Variants in PKD1L3 observed in about 807,000 individuals in gnomAD.
PKD1L3 encodes the protein polycystin-1-like protein 3.
In PKD1L3, 239 loss-of-function variants were observed where a neutral mutation model predicts 184.1. The observed-to-expected ratio is 1.30, with a 90% CI of 1.17 to 1.45. The LOEUF is 1.45. Among genes scored for constraint, PKD1L3 ranks in the 40% most tolerant of loss-of-function variants. The pLI, the probability that PKD1L3 is intolerant of heterozygous loss-of-function variation, is 0.00. For synonymous variants in PKD1L3, 996 were observed against 778.8 expected (o/e 1.28, Z -4.64); for missense variants, 2,660 against 2,067.2 (o/e 1.29, Z -5.56).
chr16:71,949,135 T>C (rs1486242388), intron 21 of PKD1L3, among the ~76,000 whole-genome samples: 1 of 152,148 alleles, frequency 6.6e-6, no homozygotes, highest in African/African-American at 2.4e-5. Context: ...TTAGAATGCA[T>C]TGTACTAGTC....
chr16:71,937,924 C>T (rs2038234519), intron 24 of PKD1L3, among the ~76,000 whole-genome samples: 1 of 152,190 alleles, frequency 6.6e-6, no homozygotes, highest in South Asian at 2.1e-4. Context: ...TTAGTGATGG[C>T]AGCAGCACCC....
chr16:71,963,066 C>G, intron 16 of PKD1L3, 139 bp downstream of exon 16: 1 of 916,598 alleles, frequency 1.1e-6, no homozygotes. Flanking sequence ...CCAGTTACAA[C>G]CACAACAGTA....
chr16:71,980,108 C>A lies in PKD1L3; in HGVS notation c.1170G>T (p.Leu390Phe). The A allele has an allele frequency of 6.4e-7, 1 of 1,551,644 alleles. No individual in the cohort carries two copies. The highest frequency in any genetic ancestry group is 8.7e-7 in the Non-Finnish European group (1 of 1,146,930). Residue 390 changes from leucine to phenylalanine, a missense_variant, in exon 8 of 30, where the codon TTG (leucine) becomes TTT (phenylalanine). By Grantham distance (22) the Leu-to-Phe change is conservative (BLOSUM62 0). Coordinates refer to ENST00000620267, the MANE Select transcript of PKD1L3 (RefSeq NM_181536.2). ...CTTCCCCGATATTCCCAAACTCCAC[C>A]AAGGACATTTCCAGGATGTCTTCTA... ...EPVEDILEMS[L>F]VEFGNIGEAF... is the part of the protein sequence containing the mutation.
intron 16 of PKD1L3, among the ~76,000 whole-genome samples, chr16:71,955,090 G>C (rs1244955434): frequency 6.6e-6 from 1 of 152,140 alleles, no homozygotes; most frequent in Non-Finnish European, 1.5e-5. Context: ...GAGATCCAAG[G>C]CTCATGACAA....
rs1271516104 is a variant in PKD1L3 at position 72,000,297 on chromosome 16, T to C, written c.-319A>G. On this transcript the variant is annotated 5_prime_UTR_variant, in exon 1 of 30. Coordinates refer to ENST00000620267, the MANE Select transcript of PKD1L3 (RefSeq NM_181536.2). ...TGCACTGGGTAGAGGATGATGAATA[T>C]CTAACATCTAAGTTAGTGCTGCTAA... Among the ~76,000 whole-genome samples, 1 of 152,128 alleles carries C rather than the reference T, an allele frequency of 6.6e-6. No individual in the cohort carries two copies. Among genetic ancestry groups the C allele is most frequent in the Non-Finnish European group, 1.5e-5 (1 of 68,042 alleles).
intron 15 of PKD1L3, among the ~76,000 whole-genome samples, chr16:71,964,969 C>G (rs1255493000): frequency 6.6e-6 from 1 of 152,030 alleles, no homozygotes; most frequent in Non-Finnish European, 1.5e-5. Context: ...GCCTCAGCCC[C>G]CCAAGTAGCT....
At chr16:71,931,599 G>C (rs1284201902) in intron 28 of PKD1L3, among the ~76,000 whole-genome samples, 1 of 151,230 alleles carries the variant, frequency 6.6e-6, no homozygotes, top group African/African-American at 2.4e-5. Context: ...TGAGTGGCTG[G>C]GATTACAGGT....
At chr16:71,936,393 G>C (rs996391707) in intron 25 of PKD1L3, among the ~76,000 whole-genome samples, 5 of 151,872 alleles carry the variant, frequency 3.3e-5, no homozygotes, top group Non-Finnish European at 5.9e-5. Context: ...AGTAGAGACA[G>C]GGTTTCGCCA....
chr16:71,996,138 T>C (rs924013268), intron 2 of PKD1L3, among the ~76,000 whole-genome samples: 1 of 152,098 alleles, frequency 6.6e-6, no homozygotes, highest in Non-Finnish European at 1.5e-5. Context: ...CTTTATCCAG[T>C]TTCCAAGGGT....
chr16:71,981,699 C>T (rs1462606743), intron 7 of PKD1L3, among the ~76,000 whole-genome samples: 1 of 152,030 alleles, frequency 6.6e-6, no homozygotes. Context: ...TACCACAATG[C>T]CTGGCTCATT....
rs377693934 is a variant in PKD1L3 at position 71,973,386 on chromosome 16, C to A, written c.1891G>T (p.Ala631Ser). Residue 631 changes from alanine to serine, a missense_variant, in exon 12 of 30, where the codon GCC becomes TCC. By Grantham distance (99) the Ala-to-Ser change is moderately conservative (BLOSUM62 1). Transcript: ENST00000620267. ...QTPSLVSVITAVTQCYYWEIH... is the reference protein window; with the variant it reads ...QTPSLVSVITSVTQCYYWEIH... ...TCCCAGTAGTAACACTGAGTGACGGCGGTGATGACCGAGACCAAGCTGGGT... is the reference window on the plus strand; with the variant it reads ...TCCCAGTAGTAACACTGAGTGACGGAGGTGATGACCGAGACCAAGCTGGGT... The A allele has an allele frequency of 3.2e-6, 5 of 1,551,526 alleles. No homozygotes were observed. Among genetic ancestry groups the A allele is most frequent in the Non-Finnish European group, 4.4e-6 (5 of 1,147,008 alleles).
At chr16:71,989,300 G>A (rs867645750) in intron 4 of PKD1L3, among the ~76,000 whole-genome samples, 59 of 152,100 alleles carry the variant, frequency 3.9e-4, no homozygotes, top group Middle Eastern at 3.2e-3. Context: ...GATTACAGGC[G>A]CTCCACCAAG....
intron 23 of PKD1L3, among the ~76,000 whole-genome samples, 157 bp from the exon 24 acceptor site, chr16:71,943,181 A>AC (rs1567495430): frequency 6.6e-6 from 1 of 152,158 alleles, no homozygotes; most frequent in Admixed American, 6.6e-5. Flanking sequence ...ATAAATACAT[A>AC]CATACACATT....
At chr16:71,969,807 T>G in intron 13 of PKD1L3, 68 bp downstream of exon 13, 1 of 1,396,014 alleles carries the variant, frequency 7.2e-7, no homozygotes, top group South Asian at 1.4e-5. Context: ...ACGAAGGTGT[T>G]TTTTCCTTCA....
chr16:71,944,389 G>C lies in PKD1L3; in HGVS notation c.3719-219C>G, dbSNP rs143775609. Among the ~76,000 whole-genome samples, 20 of 152,270 alleles carry C rather than the reference G, an allele frequency of 1.3e-4. No individual in the cohort carries two copies. In the East Asian group the frequency reaches 3.9e-3, roughly 29 times the overall value. On this transcript the variant is annotated intron_variant, in intron 22 of 29. Transcript: ENST00000620267. ...TACTTTTGTACAATACAGTAAAAAT[G>C]AGTTACTAGGCTGAACACAGCGGCT...
intron 26 of PKD1L3, among the ~76,000 whole-genome samples, chr16:71,934,807 C>T (rs977273177): frequency 6.6e-6 from 1 of 152,190 alleles, no homozygotes; most frequent in Non-Finnish European, 1.5e-5. Flanking sequence ...ACACAGATCA[C>T]CACCCAGGCT....
chr16:71,985,712 G>A (rs566454343), intron 5 of PKD1L3, among the ~76,000 whole-genome samples: 51 of 152,256 alleles, frequency 3.3e-4, no homozygotes, highest in African/African-American at 1.1e-3. Context: ...AATTACAGGC[G>A]TGAGCCACTG....
intron 16 of PKD1L3, among the ~76,000 whole-genome samples, chr16:71,961,669 C>T (rs1419934412): frequency 1.3e-5 from 2 of 152,032 alleles, no homozygotes; most frequent in African/African-American, 4.8e-5. Flanking sequence ...CACAGAGGAG[C>T]TTACAGATGA....
At chr16:71,954,969 C>T (rs563097911) in intron 16 of PKD1L3, among the ~76,000 whole-genome samples, 1 of 152,148 alleles carries the variant, frequency 6.6e-6, no homozygotes, top group South Asian at 2.1e-4. Context: ...CAGTGTTGAG[C>T]CTGGAGCTCA....
Sources: gnomAD v4.1 joint callset for allele counts (sites outside exome capture counted in the v4.1 genomes callset) on GRCh38, gnomAD v4.1.1 for gene constraint, MANE v1.5 for transcripts, NCBI Gene and HGNC (gene_info 2026-07-23, HGNC 2026-07-21) for gene names.